Variants in DNAH9 observed in about 807,000 individuals in gnomAD.
DNAH9 encodes the protein dynein axonemal heavy chain 9, also known as DNAH9 variant protein.
Under a neutral mutation model 471.6 loss-of-function variants are expected in DNAH9, and 345 were observed. The ratio of observed to expected loss-of-function variants is 0.73; its 90% CI spans 0.67 to 0.80. DNAH9 has a LOEUF of 0.80. Ranked by LOEUF, DNAH9 falls within the 30% of genes least tolerant of loss-of-function variation. The pLI is 0.00. For missense variants in DNAH9, 5,407 were observed against 5,609.2 expected, an observed-to-expected ratio of 0.96 and a Z score of 1.15; for synonymous variants, 2,093 against 2,123.6, an observed-to-expected ratio of 0.99 and a Z score of 0.40.
At chr17:11,605,618 G>C (rs1411272329) in intron 1 of DNAH9, among the ~76,000 whole-genome samples, 3 of 151,612 alleles carry the variant, frequency 2.0e-5, no homozygotes, top group East Asian at 1.9e-4. Context: ...TCTCACCTCA[G>C]CCTCCTTAGT....
chr17:11,688,841 T>C (rs1316671613), intron 19 of DNAH9, among the ~76,000 whole-genome samples: 1 of 152,170 alleles, frequency 6.6e-6, no homozygotes. Context: ...CTTGTGCCTG[T>C]AATCCCAGCA....
At chr17:11,893,706 G>A (rs549500933) in intron 58 of DNAH9, among the ~76,000 whole-genome samples, 1 of 152,104 alleles carries the variant, frequency 6.6e-6, no homozygotes, top group East Asian at 1.9e-4. Flanking sequence ...ACTGGGGCCT[G>A]TCAGGGGGTG....
At chr17:11,758,956 T>C (rs1358504172) in intron 35 of DNAH9, among the ~76,000 whole-genome samples, 4 of 152,122 alleles carry the variant, frequency 2.6e-5, no homozygotes, top group Non-Finnish European at 4.4e-5. Flanking sequence ...TGTAATGGGC[T>C]AAAGCAGCCC....
At chr17:11,638,539 G>T (rs1374429456) in intron 9 of DNAH9, among the ~76,000 whole-genome samples, 1 of 152,012 alleles carries the variant, frequency 6.6e-6, no homozygotes, top group South Asian at 2.1e-4. Context: ...TGCCTGCCAC[G>T]AGGCCCGGCT....
intron 29 of DNAH9, among the ~76,000 whole-genome samples, chr17:11,739,607 T>C (rs2075402403): frequency 6.6e-6 from 1 of 152,206 alleles, no homozygotes; most frequent in Admixed American, 6.5e-5. Context: ...CATTGCCAAA[T>C]TGCTTTCTAA....
At chr17:11,610,896 G>A (rs1041985679) in intron 3 of DNAH9, among the ~76,000 whole-genome samples, 1 of 152,148 alleles carries the variant, frequency 6.6e-6, no homozygotes, top group Non-Finnish European at 1.5e-5. Flanking sequence ...TTGAGCAGCT[G>A]AGGCCACATG....
intron 61 of DNAH9, among the ~76,000 whole-genome samples, chr17:11,918,244 TG>T (rs1011426658): frequency 2.0e-5 from 2 of 99,020 alleles, no homozygotes; most frequent in African/African-American, 3.9e-5. Context: ...TGTTTTGTTT[TG>T]TTTTGAGACA....
At chr17:11,870,909 G>A (rs1322220277) in intron 51 of DNAH9, among the ~76,000 whole-genome samples, 1 of 152,120 alleles carries the variant, frequency 6.6e-6, no homozygotes, top group Non-Finnish European at 1.5e-5. Context: ...TGACTGGGTT[G>A]GCAAATCTCT....
At chr17:11,743,271 A>T (rs2075459382) in intron 30 of DNAH9, among the ~76,000 whole-genome samples, 1 of 152,106 alleles carries the variant, frequency 6.6e-6, no homozygotes. Flanking sequence ...TATAATTTTA[A>T]ATGAACCCTT....
At position 11,962,532 on chromosome 17, in the gene DNAH9, C is replaced by A. The variant is rs1976305006; in HGVS notation, c.13233+276C>A. On this transcript the variant is annotated intron_variant, in intron 68 of 68. Transcript: ENST00000262442. This position sits in a 1 kb window ranked among gnomAD's most constrained non-coding sequence, Gnocchi z 4.1. ...GCACCACCATTTATTAACTCTGTAA[C>A]TTTAGATATAGTTTCACCTTTCCAG... Among the ~76,000 whole-genome samples, 1 of 152,196 alleles carries A rather than the reference C, an allele frequency of 6.6e-6. No homozygotes were observed. The highest frequency in any genetic ancestry group is 2.4e-5 in the African/African-American group (1 of 41,446).
chr17:11,920,099 C>T (rs1974090136), intron 61 of DNAH9, among the ~76,000 whole-genome samples: 1 of 149,774 alleles, frequency 6.7e-6, no homozygotes, highest in South Asian at 2.1e-4. Context: ...TGCAATGGCA[C>T]AATCTCAGCT....
chr17:11,627,002 AT>A, intron 6 of DNAH9, among the ~76,000 whole-genome samples: 1 of 152,194 alleles, frequency 6.6e-6, no homozygotes, highest in East Asian at 1.9e-4. Context: ...AAATAGTATA[AT>A]ATAATGCCAA....
At chr17:11,685,885 A>G (rs1456878548) in intron 19 of DNAH9, among the ~76,000 whole-genome samples, 1 of 150,766 alleles carries the variant, frequency 6.6e-6, no homozygotes, top group Non-Finnish European at 1.5e-5. Flanking sequence ...GCTCACTGCA[A>G]TCTCCGTCTC....
Position 11,598,565 on chromosome 17 carries a change from C to G in DNAH9, c.67C>G (p.Arg23Gly), listed in dbSNP as rs2072308608. The stretch of plus-strand genomic sequence containing the variant: ...CGCGGATGGGGAACCCGGCGCCGAC[C>G]GACGACTGCGACTCCTGGGGACCTA... ...ENADGEPGAD[R>G]RLRLLGTYVA... The change falls in exon 1 of 69, where the codon CGA becomes GGA. Residue 23 changes from arginine to glycine, a missense_variant. Transcript: ENST00000262442. The G allele has an allele frequency of 2.8e-6, 4 of 1,406,370 alleles. No individual in the cohort carries two copies. Among genetic ancestry groups the G allele is most frequent in the Non-Finnish European group, 3.7e-6 (4 of 1,087,988 alleles). 87.1% of individuals were successfully genotyped at this position (1,406,370 alleles called of 1,614,324 possible).
intron 39 of DNAH9, 64 bp downstream of exon 39, chr17:11,781,238 A>T: frequency 6.5e-7 from 1 of 1,538,394 alleles, no homozygotes; most frequent in Non-Finnish European, 8.8e-7. Context: ...GCTGAAGGCC[A>T]GTCTCTATTC....
intron 26 of DNAH9, among the ~76,000 whole-genome samples, chr17:11,716,684 G>T (rs887334794): frequency 1.3e-5 from 2 of 152,140 alleles, no homozygotes; most frequent in Admixed American, 1.3e-4. Context: ...CTCTTTTTGT[G>T]AAACCTGGCA....
At chr17:11,890,424 A>G (rs777365674) in intron 57 of DNAH9, among the ~76,000 whole-genome samples, 2 of 152,102 alleles carry the variant, frequency 1.3e-5, no homozygotes, top group Non-Finnish European at 2.9e-5. Context: ...AACAAGAAAC[A>G]CCCTGGAACC....
intron 50 of DNAH9, among the ~76,000 whole-genome samples, chr17:11,865,981 C>T (rs922307486): frequency 1.3e-5 from 2 of 151,762 alleles, no homozygotes; most frequent in Non-Finnish European, 2.9e-5. Context: ...TCCTGTAGCT[C>T]GTAGTTTGAT....
chr17:11,955,071 A>C (rs1014662527), intron 67 of DNAH9, among the ~76,000 whole-genome samples: 3 of 152,198 alleles, frequency 2.0e-5, no homozygotes, highest in African/African-American at 4.8e-5. Flanking sequence ...GCATATGTGG[A>C]GTGGTATAAT....
Sources: allele counts gnomAD v4.1 joint callset (sites outside exome capture counted in the v4.1 genomes callset), GRCh38; gene constraint gnomAD v4.1.1; non-coding constraint Gnocchi (gnomAD v3.1); transcripts MANE v1.5; gene names NCBI Gene and HGNC (gene_info 2026-07-23, HGNC 2026-07-21).